The following COL4A3 variants were observed in gnomAD, a reference collection of about 807,000 sequenced individuals.
The protein encoded by COL4A3 is collagen type IV alpha 3 chain.
In COL4A3, 135 loss-of-function variants were observed where a neutral mutation model predicts 217.4. The observed-to-expected ratio is 0.62, with a 90% CI of 0.54 to 0.72. COL4A3 has a LOEUF of 0.72. Ranked by LOEUF, COL4A3 falls within the 30% of genes least tolerant of loss-of-function variation. The pLI is 0.00. For missense variants in COL4A3, 1,868 were observed against 2,119.9 expected (o/e 0.88, Z 2.33); for synonymous variants, 690 against 736.3 (o/e 0.94, Z 1.02).
rs764046610 is a variant in COL4A3 at position 227,310,839 on chromosome 2, G to T, written c.4819G>T (p.Glu1607Ter). ...ALASPGSCLE[E>*]FRASPFLECH... ...GGCCTCCCCTGGCTCCTGCCTGGAA[G>T]AATTCCGAGCCAGCCCATTTCTAGA... The change falls in exon 51 of 52, where the codon GAA becomes TAA. Residue 1607 changes from glutamate to a stop codon, truncating the protein, a stop_gained. Transcript: ENST00000396578. LOFTEE classifies it high-confidence loss of function. 8 of 1,614,056 alleles carry T rather than the reference G, an allele frequency of 5.0e-6. No homozygotes were observed. The African/African-American group carries it at 1.1e-4, about 22-fold the overall frequency.
At position 227,269,371 on chromosome 2, in the gene COL4A3, T is replaced by C. The variant is rs2071101718; in HGVS notation, c.1505-539T>C. 2.6e-5 allele frequency among the ~76,000 whole-genome samples: 4 copies of C among 152,182 alleles called. No homozygotes were observed. The South Asian group carries it at 8.3e-4, about 31-fold the overall frequency. On this transcript the variant is annotated intron_variant, in intron 23 of 51. Transcript: ENST00000396578. Reference sequence around the variant, plus strand: ...AATGTCTACCTAATGTCTAAATGTCTAAAAACAGCATTTAGCTAAATAAAT... The same window carrying C: ...AATGTCTACCTAATGTCTAAATGTCCAAAAACAGCATTTAGCTAAATAAAT...
At chr2:227,179,206 C>T (rs963050074) in intron 1 of COL4A3, among the ~76,000 whole-genome samples, 1 of 152,190 alleles carries the variant, frequency 6.6e-6, no homozygotes, top group Non-Finnish European at 1.5e-5. Context: ...CGGCCTCAGC[C>T]TCCCAAAGTG....
chr2:227,233,075 A>T (rs2068496285), intron 1 of COL4A3, among the ~76,000 whole-genome samples: 1 of 152,182 alleles, frequency 6.6e-6, no homozygotes. Flanking sequence ...GTGCAGTGGC[A>T]CAATCTCAGC....
chr2:227,185,421 A>G (rs2065999600), intron 1 of COL4A3, among the ~76,000 whole-genome samples: 1 of 152,148 alleles, frequency 6.6e-6, no homozygotes, highest in Non-Finnish European at 1.5e-5. Flanking sequence ...CTCTATATGG[A>G]CCAGTTACCT....
intron 1 of COL4A3, among the ~76,000 whole-genome samples, chr2:227,215,040 G>A (rs1198481054): frequency 6.6e-6 from 1 of 152,186 alleles, no homozygotes; most frequent in Non-Finnish European, 1.5e-5. Context: ...GGCTTAGAAT[G>A]TGGGATTAAA....
rs758630119 is a variant in COL4A3 at position 227,246,006 on chromosome 2, G to T, written c.377G>T (p.Ser126Ile). 2 of 1,612,934 alleles carry T rather than the reference G, an allele frequency of 1.2e-6. No individual in the cohort carries two copies. Among genetic ancestry groups the T allele is most frequent in the South Asian group, 2.2e-5 (2 of 91,058 alleles). The change falls in exon 6 of 52, where the codon AGT (serine) becomes ATT (isoleucine). Residue 126 changes from serine to isoleucine, a missense_variant. Around this residue, in one of 2 missense-constraint regions of COL4A3, gnomAD observed 365 missense variants for 333.8 expected, o/e 1.09. Transcript: ENST00000396578. ...GGACTTGTCGGTGTACCAGGATGCA[G>T]TGGTTCTAAGGTAAGTACTTTTCAC... is the stretch of plus-strand genomic sequence containing the variant. ...PYGLVGVPGC[S>I]GSKGEQGFPG...
chr2:227,302,944 A>G, intron 43 of COL4A3, 94 bp from the exon 44 acceptor site: 2 of 786,972 alleles, frequency 2.5e-6, no homozygotes, highest in Non-Finnish European at 2.3e-6. Context: ...CACCCAACAT[A>G]ATATTATACC....
At chr2:227,276,170 T>C (rs2071547302) in intron 26 of COL4A3, among the ~76,000 whole-genome samples, 1 of 152,264 alleles carries the variant, frequency 6.6e-6, no homozygotes, top group African/African-American at 2.4e-5. Context: ...AAACAAAGTT[T>C]AGACGATTGT....
chr2:227,256,008 G>T lies in COL4A3; in HGVS notation c.889-18G>T, dbSNP rs1284706477. ...CATATTTATTACATTTCATGTTTTT[G>T]ATTTGTTTTTGCTGTAGGGAAAACC... is the stretch of plus-strand genomic sequence containing the variant. On this transcript the variant is annotated intron_variant, in intron 15 of 51. Transcript: ENST00000396578. 1.9e-6 allele frequency: 3 copies of T among 1,612,836 alleles called. No individual in the cohort carries two copies. The highest frequency in any genetic ancestry group is 2.5e-6 in the Non-Finnish European group (3 of 1,179,070).
rs140311462 is a variant in COL4A3, at chr2:227,275,087, A to G, written c.1928-1298A>G. Among the ~76,000 whole-genome samples, 340 of 152,312 alleles carry G rather than the reference A, an allele frequency of 2.2e-3. 4 individuals carry two copies. Among genetic ancestry groups the G allele is most frequent in the East Asian group, 3.7e-3 (19 of 5,190 alleles). ...GAATTGAGTAGTTGGGTAGATTTCA[A>G]TCACGAAGCCTAAATTTCTTACTAT... On this transcript the variant is annotated intron_variant, in intron 26 of 51. Coordinates refer to ENST00000396578, the MANE Select transcript of COL4A3 (RefSeq NM_000091.5).
In COL4A3 at chr2:227,253,133, A is replaced by T. The variant is rs1390327189; in HGVS notation, c.646-163A>T. Among the ~76,000 whole-genome samples the T allele has an allele frequency of 6.6e-6, 1 of 152,204 alleles. No individual in the cohort carries two copies. Among genetic ancestry groups the T allele is most frequent in the Non-Finnish European group, 1.5e-5 (1 of 68,042 alleles). On this transcript the variant is annotated intron_variant, in intron 11 of 51. Transcript: ENST00000396578. The surrounding 1 kb of genome is among the most constrained non-coding windows in gnomAD (Gnocchi z 4.4). ...CCTTAAGAGCTCCTCCTTTAAAAGA[A>T]ACATATCAATGCTCTTCTCTAAGAA...
chr2:227,284,174 G>A (rs779686210), intron 33 of COL4A3, 37 bp from the exon 34 acceptor site: 13 of 1,613,570 alleles, frequency 8.1e-6, no homozygotes, highest in Non-Finnish European at 8.5e-6. Flanking sequence ...ACTACCTGAA[G>A]AATTAAGGAC....
intron 1 of COL4A3, among the ~76,000 whole-genome samples, chr2:227,169,892 A>G (rs1340548329): frequency 6.6e-6 from 1 of 152,170 alleles, no homozygotes; most frequent in Non-Finnish European, 1.5e-5. Flanking sequence ...CACCAATACC[A>G]CACTGTTTTG....
intron 36 of COL4A3, 123 bp downstream of exon 36, chr2:227,290,211 TGCGG>T (rs1177159132): frequency 1.1e-6 from 1 of 945,118 alleles, no homozygotes; most frequent in African/African-American, 1.6e-5. Context: ...AAACTAGATT[TGCGG>T]GGCCGGGCAC....
intron 1 of COL4A3, among the ~76,000 whole-genome samples, chr2:227,210,211 CT>C (rs1272663531): frequency 6.6e-6 from 1 of 152,168 alleles, no homozygotes; most frequent in African/African-American, 2.4e-5. Flanking sequence ...TTGTAGGTGC[CT>C]TTAACAAGCA....
At chr2:227,259,511 A>G (rs981800413) in intron 18 of COL4A3, among the ~76,000 whole-genome samples, 8 of 152,242 alleles carry the variant, frequency 5.3e-5, no homozygotes, top group African/African-American at 1.7e-4. Context: ...ATGAATGTGT[A>G]CATATAAATG....
intron 1 of COL4A3, among the ~76,000 whole-genome samples, chr2:227,226,324 C>G (rs2068088897): frequency 6.6e-6 from 1 of 152,098 alleles, no homozygotes. Context: ...AAGCTCTGGA[C>G]AGAAGCACAG....
chr2:227,237,211 G>GCT (rs1208207869), intron 1 of COL4A3, among the ~76,000 whole-genome samples: 1 of 152,154 alleles, frequency 6.6e-6, no homozygotes, highest in African/African-American at 2.4e-5. Flanking sequence ...AATAAAAAAA[G>GCT]AAAGAACATT....
At chr2:227,263,265 C>T (rs1259725451) in intron 20 of COL4A3, among the ~76,000 whole-genome samples, 1 of 152,170 alleles carries the variant, frequency 6.6e-6, no homozygotes, top group Non-Finnish European at 1.5e-5. Context: ...GAGACTGTCC[C>T]CTCCTCACAT....
Sources: allele counts gnomAD v4.1 joint callset (sites outside exome capture counted in the v4.1 genomes callset), GRCh38; gene constraint gnomAD v4.1.1; regional missense constraint gnomAD v4.1.1; non-coding constraint Gnocchi (gnomAD v3.1); transcripts MANE v1.5; gene names NCBI Gene and HGNC (gene_info 2026-07-23, HGNC 2026-07-21).